Variants in PAG1 observed in about 807,000 individuals in gnomAD.
PAG1 encodes phosphoprotein associated with glycosphingolipid-enriched microdomains 1.
A neutral mutation model predicts 31.7 loss-of-function variants in PAG1; 23 were observed. The observed-to-expected ratio is 0.73, with a 90% CI of 0.52 to 1.03. The LOEUF (loss-of-function observed/expected upper bound fraction) is 1.03. PAG1 is among the 50% of genes least tolerant of loss of function. PAG1 has a pLI of 0.00. For missense variants in PAG1, 473 were observed against 540.7 expected (o/e 0.87, Z 1.24); for synonymous variants, 214 against 210.3 (o/e 1.02, Z -0.15).
At chr8:81,040,922 G>A (rs987268774) in intron 2 of PAG1, 5 of 152,160 alleles carry the variant, frequency 3.3e-5, no homozygotes, top group East Asian at 3.8e-4. Context: ...AAAAACAGAC[G>A]TGAAAGATTG....
intron 1 of PAG1, among the ~76,000 whole-genome samples, chr8:81,106,747 A>G (rs1457252571): frequency 3.3e-5 from 5 of 152,198 alleles, no homozygotes. Context: ...TTTTGAAAAT[A>G]TTACGAGATG....
At chr8:81,033,423 T>C (rs1453390950) in intron 2 of PAG1, among the ~76,000 whole-genome samples, 2 of 152,190 alleles carry the variant, frequency 1.3e-5, no homozygotes, top group Non-Finnish European at 2.9e-5. Context: ...TATCAGGGTA[T>C]AGAGATAATA....
At chr8:81,111,011 A>C (rs1478437531) in intron 1 of PAG1, among the ~76,000 whole-genome samples, 3 of 152,226 alleles carry the variant, frequency 2.0e-5, no homozygotes, top group African/African-American at 7.2e-5. Flanking sequence ...ACTTGCCTAC[A>C]TTCTTAAAGT....
Position 80,987,415 on chromosome 8 carries a change from C to A in PAG1, c.229G>T (p.Ala77Ser), listed in dbSNP as rs1427166688. The A allele has an allele frequency of 1.9e-6, 3 of 1,614,012 alleles. No individual in the cohort carries two copies. The East Asian group carries it at 6.7e-5, about 36-fold the overall frequency. The part of the protein sequence containing the change: ...SRSVTSLATD[A>S]PASSEQNGAL... ...CCATTCTGCTCACTGCTGGCAGGAGCATCTGTTGCCAGGCTAGTAACTGAA... is the reference window on the plus strand; with the variant it reads ...CCATTCTGCTCACTGCTGGCAGGAGAATCTGTTGCCAGGCTAGTAACTGAA... Residue 77 changes from alanine (A) to serine (S), a missense_variant, in exon 6 of 9, where the codon GCT becomes TCT. Physicochemically the swap from Ala to Ser is moderately conservative, Grantham distance 99. Coordinates refer to ENST00000220597, the MANE Select transcript of PAG1 (RefSeq NM_018440.4).
At chr8:81,007,467 CAAAAAA>C (rs10563214) in intron 3 of PAG1, among the ~76,000 whole-genome samples, 1 of 128,526 alleles carries the variant, frequency 7.8e-6, no homozygotes. Context: ...TACAAAAATA[CAAAAAA>C]AAAAAAAAAA....
At chr8:81,070,434 G>T (rs1809073806) in intron 1 of PAG1, among the ~76,000 whole-genome samples, 1 of 152,102 alleles carries the variant, frequency 6.6e-6, no homozygotes, top group African/African-American at 2.4e-5. Context: ...AAGTAAAAAT[G>T]ATGGCATTAA....
At chr8:81,009,639 C>T (rs1807946108) in intron 3 of PAG1, among the ~76,000 whole-genome samples, 1 of 152,032 alleles carries the variant, frequency 6.6e-6, no homozygotes, top group African/African-American at 2.4e-5. Context: ...TTTTTTAAGA[C>T]AAGGTCTCTG....
intron 5 of PAG1, among the ~76,000 whole-genome samples, chr8:80,987,951 A>G (rs901417721): frequency 6.6e-6 from 1 of 152,232 alleles, no homozygotes; most frequent in Non-Finnish European, 1.5e-5. Context: ...AAAATACACT[A>G]AATTGAGTTC....
chr8:80,971,363 G>A lies in PAG1; in HGVS notation c.*5181C>T, dbSNP rs1807073748. 1 of 152,170 alleles carries A rather than the reference G, an allele frequency of 6.6e-6. No individual in the cohort carries two copies. Among genetic ancestry groups the A allele is most frequent in the Admixed American group, 6.5e-5 (1 of 15,290 alleles). 9.4% of individuals were successfully genotyped at this position (152,170 alleles called of 1,614,324 possible). On this transcript the variant is annotated 3_prime_UTR_variant, in exon 9 of 9. Coordinates refer to ENST00000220597, the MANE Select transcript of PAG1 (RefSeq NM_018440.4). ...TTTATGAGGAAAAAACATTAACAATGAAATGCCAATTCCTATTTATAACAG... is the reference window on the plus strand; with the variant it reads ...TTTATGAGGAAAAAACATTAACAATAAAATGCCAATTCCTATTTATAACAG...
chr8:81,109,673 T>A (rs1809744760), intron 1 of PAG1, among the ~76,000 whole-genome samples: 1 of 152,208 alleles, frequency 6.6e-6, no homozygotes, highest in African/African-American at 2.4e-5. Flanking sequence ...ACAATGAAAA[T>A]TTTTCCCAGA....
At chr8:81,077,452 G>C (rs1017589213) in intron 1 of PAG1, among the ~76,000 whole-genome samples, 1 of 152,212 alleles carries the variant, frequency 6.6e-6, no homozygotes, top group Admixed American at 6.5e-5. Context: ...ACAACCCACA[G>C]ATTGCAGGGA....
At position 80,984,962 on chromosome 8, in the gene PAG1, C is replaced by T. The variant is rs748008209; in HGVS notation, c.690G>A (p.Val230=). Residue 230 remains valine, a synonymous_variant, in exon 7 of 9, where the codon GTG becomes GTA. Coordinates refer to ENST00000220597, the MANE Select transcript of PAG1 (RefSeq NM_018440.4). ...TTTGACGACATTTTTTGTTTCTGTC[C>T]ACCGAGGCATATTCAGCAAACTCAG... The part of the protein sequence containing the change: ...GKAEFAEYAS[V]DRNKKCRQSV... The T allele has an allele frequency of 1.9e-6, 3 of 1,614,108 alleles. No individual in the cohort carries two copies. The highest frequency in any genetic ancestry group is 2.2e-5 in the South Asian group (2 of 91,074).
chr8:81,047,762 A>G (rs1047818592), intron 2 of PAG1, among the ~76,000 whole-genome samples: 1 of 152,196 alleles, frequency 6.6e-6, no homozygotes, highest in Non-Finnish European at 1.5e-5. Context: ...ACATATCCTT[A>G]CATAGGTCAT....
In PAG1 at chr8:80,968,614, GTTTAT is replaced by G. The variant is rs1408445241; in HGVS notation, c.*7925_*7929del. 6.6e-6 allele frequency: 1 copy of G among 152,170 alleles called. No homozygotes were observed. The highest frequency in any genetic ancestry group is 2.4e-5 in the African/African-American group (1 of 41,426). The allele number at this position is 152,170 out of a possible 1,614,324, so 9.4% of individuals were successfully genotyped here. ...TCTTCTAGAAAGTGCTTATGGAAAT[GTTTAT>G]TTTAATATGAGGAGTTTCTTTTCCT... On this transcript the variant is annotated 3_prime_UTR_variant, in exon 9 of 9. Transcript: ENST00000220597.
intron 3 of PAG1, among the ~76,000 whole-genome samples, chr8:81,026,793 G>A (rs1386541032): frequency 6.6e-6 from 1 of 152,150 alleles, no homozygotes; most frequent in Non-Finnish European, 1.5e-5. Context: ...CACCTCCAAG[G>A]AGTCCCTGGA....
At chr8:81,039,057 T>G (rs1808509684) in intron 2 of PAG1, among the ~76,000 whole-genome samples, 1 of 152,120 alleles carries the variant, frequency 6.6e-6, no homozygotes, top group Non-Finnish European at 1.5e-5. Flanking sequence ...TAAAATATGG[T>G]GTTTAGAAGA....
At chr8:81,043,226 T>A (rs528598561) in intron 2 of PAG1, among the ~76,000 whole-genome samples, 1 of 152,262 alleles carries the variant, frequency 6.6e-6, no homozygotes, top group South Asian at 2.1e-4. Context: ...TCTCCTTAAA[T>A]GTTTTAGTAA....
At chr8:80,994,391 G>C (rs1807629015) in intron 3 of PAG1, among the ~76,000 whole-genome samples, 1 of 152,180 alleles carries the variant, frequency 6.6e-6, no homozygotes. Flanking sequence ...AGAAGCATAA[G>C]AGCTCTACCT....
At chr8:81,007,737 CTGAGG>C (rs1807912214) in intron 3 of PAG1, among the ~76,000 whole-genome samples, 1 of 151,758 alleles carries the variant, frequency 6.6e-6, no homozygotes, top group South Asian at 2.1e-4. Context: ...TTCTCTGCCA[CTGAGG>C]CTTTGAGGAG....
Sources: gnomAD v4.1 joint callset for allele counts (sites outside exome capture counted in the v4.1 genomes callset) on GRCh38, gnomAD v4.1.1 for gene constraint, MANE v1.5 for transcripts, NCBI Gene and HGNC (gene_info 2026-07-23, HGNC 2026-07-21) for gene names.